PLXNA4: variants seen among roughly 807,000 people sequenced by gnomAD.
PLXNA4 encodes the protein plexin-A4.
A neutral mutation model predicts 191.8 loss-of-function variants in PLXNA4; 44 were observed. That is an observed-to-expected ratio of 0.23 (90% CI 0.18 to 0.29). PLXNA4 has a LOEUF of 0.29. PLXNA4 is among the 10% of genes least tolerant of loss of function. The pLI is 1.00. For synonymous variants in PLXNA4, 1,082 were observed against 1,009.5 expected (o/e 1.07, Z -1.36); for missense variants, 1,800 against 2,488.8 (o/e 0.72, Z 5.89).
chr7:132,385,136 T>A, intron 3 of PLXNA4: 1 of 1,606,260 alleles, frequency 6.2e-7, no homozygotes, highest in South Asian at 1.1e-5. Flanking sequence ...CATTTTCCAA[T>A]ATCCAAGGCT....
intron 3 of PLXNA4, among the ~76,000 whole-genome samples, chr7:132,435,551 G>C (rs558963907): frequency 2.0e-5 from 3 of 152,250 alleles, no homozygotes; most frequent in South Asian, 2.1e-4. Flanking sequence ...CAGGGGAGGT[G>C]AGAAAGAACA....
rs576639889 is a variant in PLXNA4 at position 132,605,811 on chromosome 7, G to A, written c.-87+40117C>T. 7.9e-5 allele frequency among the ~76,000 whole-genome samples: 12 copies of A among 152,220 alleles called. No individual in the cohort carries two copies. The South Asian group carries it at 2.3e-3, about 29-fold the overall frequency. ...TGTTCTTATACAAAGAGGGAAATTTGGACACAGAGAGACCCACAGGAAGAA... is the reference window on the plus strand; with the variant it reads ...TGTTCTTATACAAAGAGGGAAATTTAGACACAGAGAGACCCACAGGAAGAA... On this transcript the variant is annotated intron_variant, in intron 2 of 4. Coordinates refer to the PLXNA4 transcript ENST00000378539.
At chr7:132,442,569 CTTTTTCT>C (rs1795736278) in intron 3 of PLXNA4, among the ~76,000 whole-genome samples, 1 of 152,150 alleles carries the variant, frequency 6.6e-6, no homozygotes, top group Non-Finnish European at 1.5e-5. Context: ...TCTTTCTGTT[CTTTTTCT>C]TTTTTCTTTT....
intron 10 of PLXNA4, among the ~76,000 whole-genome samples, chr7:132,206,104 G>T (rs118130119): frequency 0.013 from 1,904 of 152,270 alleles, 25 homozygotes; most frequent in Non-Finnish European, 0.018. Context: ...CCAGTGACCA[G>T]CTGTGTGAAA....
intron 1 of PLXNA4, among the ~76,000 whole-genome samples, chr7:132,566,504 G>A (rs559958248): frequency 3.9e-5 from 6 of 152,240 alleles, no homozygotes; most frequent in African/African-American, 7.2e-5. Flanking sequence ...TGTTTCAACC[G>A]TCCAAAGTTT....
At chr7:132,163,696 T>C (rs1241335316) in intron 24 of PLXNA4, among the ~76,000 whole-genome samples, 4 of 152,196 alleles carry the variant, frequency 2.6e-5, no homozygotes, top group African/African-American at 9.7e-5. Context: ...GGGTCACAGT[T>C]GTATTTGAAC....
At chr7:132,562,181 CCTCCTCCTT>C (rs1801194022) in intron 1 of PLXNA4, among the ~76,000 whole-genome samples, 4 of 128,680 alleles carry the variant, frequency 3.1e-5, no homozygotes, top group Admixed American at 3.0e-4. Context: ...TCTTTCTCCT[CCTCCTCCTT>C]CTCCTCCTCC....
chr7:132,628,075 A>C (rs186041291), intron 2 of PLXNA4, among the ~76,000 whole-genome samples: 155 of 152,332 alleles, frequency 1.0e-3, no homozygotes, highest in Middle Eastern at 3.4e-3. Flanking sequence ...AATCCTGCTC[A>C]ATAGTCCTCA....
intron 4 of PLXNA4, among the ~76,000 whole-genome samples, chr7:132,247,918 G>A (rs1215867955): frequency 6.6e-6 from 1 of 152,206 alleles, no homozygotes. Context: ...GATGCCAGAA[G>A]GCTGGTCCCA....
chr7:132,174,727 T>C (rs767969508), intron 21 of PLXNA4, 51 bp downstream of exon 21: 13 of 1,588,590 alleles, frequency 8.2e-6, no homozygotes, highest in Non-Finnish European at 1.1e-5. Context: ...GACTTGAAGA[T>C]TGCCAACACG....
chr7:132,496,457 A>G (rs1258979902), intron 2 of PLXNA4, among the ~76,000 whole-genome samples: 1 of 152,140 alleles, frequency 6.6e-6, no homozygotes, highest in Non-Finnish European at 1.5e-5. Flanking sequence ...GGTGGAATGC[A>G]GTGGCACAAT....
At chr7:132,197,667 G>T (rs1352415693) in intron 13 of PLXNA4, among the ~76,000 whole-genome samples, 1 of 152,100 alleles carries the variant, frequency 6.6e-6, no homozygotes, top group African/African-American at 2.4e-5. Flanking sequence ...ATCTTGGGGA[G>T]ATCTCATGGA....
At chr7:132,226,352 G>T in intron 7 of PLXNA4, 92 bp from the exon 8 acceptor site, 1 of 1,107,068 alleles carries the variant, frequency 9.0e-7, no homozygotes, top group Non-Finnish European at 1.3e-6. Context: ...AAGGGAGCCT[G>T]CTCCCCAGGC....
At position 132,126,551 on chromosome 7, in the gene PLXNA4, C is replaced by A. The variant is rs1386572751; in HGVS notation, c.*3928G>T. On this transcript the variant is annotated 3_prime_UTR_variant, in exon 32 of 32. Coordinates refer to ENST00000321063, the MANE Select transcript of PLXNA4 (RefSeq NM_020911.2). ...GCATGGGGGAGGTGGAGATGCTGGG[C>A]CAGTACATCAACCTTCACTGCTGGT... 1 of 152,396 alleles carries A rather than the reference C, an allele frequency of 6.6e-6. No homozygotes were observed. The highest frequency in any genetic ancestry group is 1.5e-5 in the Non-Finnish European group (1 of 68,242). The allele number at this position is 152,396 out of a possible 1,614,324, so 9.4% of individuals were successfully genotyped here. A position where few individuals can be genotyped will look rare whatever the true frequency, so the allele number is the denominator to read the frequency against.
At chr7:132,220,187 T>C (rs558673014) in intron 9 of PLXNA4, among the ~76,000 whole-genome samples, 1 of 152,328 alleles carries the variant, frequency 6.6e-6, no homozygotes, top group East Asian at 1.9e-4. Context: ...AATGACCTCC[T>C]TTCACTGACC....
intron 2 of PLXNA4, among the ~76,000 whole-genome samples, chr7:132,635,856 C>T (rs1412706472): frequency 1.3e-5 from 2 of 152,156 alleles, no homozygotes; most frequent in Non-Finnish European, 2.9e-5. Flanking sequence ...CTTAACAACA[C>T]AGGAGTTTTC....
rs528021535 is a variant in PLXNA4 at position 132,521,112 on chromosome 7, G to A, written c.-86-12333C>T. Among the ~76,000 whole-genome samples the A allele has an allele frequency of 2.0e-5, 3 of 150,062 alleles. No homozygotes were observed. In the South Asian group the frequency reaches 6.3e-4, roughly 32 times the overall value. Reference sequence around the variant, plus strand: ...AAAATACAAAACATATTTCAGCTGTGTGCTGAAAATCTTGGCAGAAATCTC... The same window carrying A: ...AAAATACAAAACATATTTCAGCTGTATGCTGAAAATCTTGGCAGAAATCTC... On this transcript the variant is annotated intron_variant, in intron 1 of 31. Transcript: ENST00000321063.
intron 3 of PLXNA4, among the ~76,000 whole-genome samples, chr7:132,409,034 A>G (rs963843089): frequency 5.3e-5 from 8 of 152,174 alleles, no homozygotes; most frequent in African/African-American, 1.9e-4. Flanking sequence ...CAAGTAAAAC[A>G]CTGTAATCAT....
chr7:132,257,167 C>T (rs1331843781), intron 4 of PLXNA4, among the ~76,000 whole-genome samples: 4 of 152,218 alleles, frequency 2.6e-5, no homozygotes, highest in Non-Finnish European at 5.9e-5. Context: ...CCACTCCAGT[C>T]CCCTCTCTTG....
Sources: gnomAD v4.1 joint callset for allele counts (sites outside exome capture counted in the v4.1 genomes callset) on GRCh38, gnomAD v4.1.1 for gene constraint, MANE v1.5 for transcripts, NCBI Gene and HGNC (gene_info 2026-07-23, HGNC 2026-07-21) for gene names.